USP37: variants seen among roughly 807,000 people sequenced by gnomAD.
USP37 encodes the protein ubiquitin carboxyl-terminal hydrolase 37.
In USP37, 27 loss-of-function variants were observed where a neutral mutation model predicts 124.0. That is an observed-to-expected ratio of 0.22 (90% CI 0.16 to 0.30). The LOEUF (loss-of-function observed/expected upper bound fraction) is 0.30, where lower values mean the gene tolerates loss of function less well. Among genes scored for constraint, USP37 ranks in the 10% least tolerant of loss-of-function variants. USP37 has a pLI of 1.00. For synonymous variants in USP37, 365 were observed against 388.0 expected, an observed-to-expected ratio of 0.94 and a Z score of 0.70; for missense variants, 889 against 1,140.4, an observed-to-expected ratio of 0.78 and a Z score of 3.17.
chr2:218,545,083 T>G (rs1468878661), intron 8 of USP37, among the ~76,000 whole-genome samples: 3 of 152,216 alleles, frequency 2.0e-5, no homozygotes. Context: ...AAGGGTGTTC[T>G]ATGTATGGAA....
At chr2:218,517,194 A>G (rs998516520) in intron 10 of USP37, among the ~76,000 whole-genome samples, 2 of 152,218 alleles carry the variant, frequency 1.3e-5, no homozygotes, top group Non-Finnish European at 2.9e-5. Flanking sequence ...GGAACAATTT[A>G]ACTCCATTTA....
At chr2:218,482,581 C>G (rs917509646) in intron 16 of USP37, among the ~76,000 whole-genome samples, 4 of 152,100 alleles carry the variant, frequency 2.6e-5, no homozygotes, top group African/African-American at 9.7e-5. Flanking sequence ...GTTTAAAAAG[C>G]AATAGGTTTT....
chr2:218,543,023 G>A (rs1210031954), intron 8 of USP37, among the ~76,000 whole-genome samples: 2 of 152,144 alleles, frequency 1.3e-5, no homozygotes, highest in East Asian at 3.8e-4. Flanking sequence ...TAAAATATTT[G>A]ATAAAAACGG....
At chr2:218,501,065 G>T (rs1181182316) in intron 11 of USP37, 5 of 150,144 alleles carry the variant, frequency 3.3e-5, no homozygotes, top group African/African-American at 1.0e-4. Context: ...TTTTGAGAGG[G>T]TCTCATTCTG....
At chr2:218,529,690 T>C (rs548051254) in intron 10 of USP37, among the ~76,000 whole-genome samples, 1 of 152,192 alleles carries the variant, frequency 6.6e-6, no homozygotes, top group South Asian at 2.1e-4. Context: ...GGCATAATTA[T>C]GGCTCATTGC....
At chr2:218,461,973 A>G (rs1191911908) in intron 22 of USP37, among the ~76,000 whole-genome samples, 1 of 152,226 alleles carries the variant, frequency 6.6e-6, no homozygotes, top group Non-Finnish European at 1.5e-5. Context: ...CCTGGCCAAC[A>G]TGGTGAAACC....
At chr2:218,463,853 GATTT>G (rs1690166194) in intron 21 of USP37, among the ~76,000 whole-genome samples, 1 of 129,208 alleles carries the variant, frequency 7.7e-6, no homozygotes, top group Non-Finnish European at 1.6e-5. Flanking sequence ...TATTTTTTAA[GATTT>G]TTTTTTTTTT....
intron 15 of USP37, chr2:218,486,027 T>C: frequency 3.2e-6 from 1 of 311,324 alleles, no homozygotes; most frequent in Non-Finnish European, 5.8e-6. Context: ...ATTCTTAGCC[T>C]TTTCAGCCTT....
At chr2:218,563,579 C>A (rs1317782280) in intron 1 of USP37, among the ~76,000 whole-genome samples, 1 of 152,214 alleles carries the variant, frequency 6.6e-6, no homozygotes, top group African/African-American at 2.4e-5. Flanking sequence ...TTAGGCTTCA[C>A]TAGGCCTGAA....
At chr2:218,473,283 A>G (rs1273191193) in intron 20 of USP37, 1 of 152,218 alleles carries the variant, frequency 6.6e-6, no homozygotes, top group African/African-American at 2.4e-5. Context: ...ATAAATCAGG[A>G]AGGGACAAAA....
intron 10 of USP37, among the ~76,000 whole-genome samples, chr2:218,512,169 T>C (rs894880403): frequency 6.6e-6 from 1 of 151,854 alleles, no homozygotes; most frequent in Non-Finnish European, 1.5e-5. Context: ...GGATCAGGAG[T>C]TTGAAACCAG....
intron 8 of USP37, 124 bp downstream of exon 8, chr2:218,546,097 T>C: frequency 1.3e-6 from 1 of 787,850 alleles, no homozygotes. Context: ...CTACTTTACA[T>C]TCTGCTCTTC....
At chr2:218,495,673 T>G (rs1574882729) in intron 14 of USP37, 87 bp downstream of exon 14, 1 of 1,402,886 alleles carries the variant, frequency 7.1e-7, no homozygotes, top group East Asian at 2.4e-5. Flanking sequence ...CAGAAAAGAA[T>G]TCATGGCATT....
intron 16 of USP37, 93 bp from the exon 17 acceptor site, chr2:218,482,327 T>C: frequency 7.4e-7 from 1 of 1,357,292 alleles, no homozygotes; most frequent in Non-Finnish European, 9.7e-7. Flanking sequence ...AGACGACTTT[T>C]GATTTAAAAA....
intron 8 of USP37, among the ~76,000 whole-genome samples, chr2:218,539,037 G>T (rs1259603245): frequency 6.6e-6 from 1 of 151,566 alleles, no homozygotes; most frequent in East Asian, 1.9e-4. Flanking sequence ...GTGTGATCTC[G>T]GCTCACTGCA....
In USP37 at chr2:218,544,430, T is replaced by TAGAGAGAGAG. The variant is rs56690495; in HGVS notation, c.680+1781_680+1790dup. Among the ~76,000 whole-genome samples, 432 of 50,700 alleles carry TAGAGAGAGAG rather than the reference T, an allele frequency of 8.5e-3. 14 individuals carry two copies. Among genetic ancestry groups the TAGAGAGAGAG allele is most frequent in the East Asian group, 0.067 (78 of 1,170 alleles). The allele number at this position is 50,700 out of a possible 152,430, so 33.3% of individuals were successfully genotyped here. ...AAATATATATATATATATATATATA[T>TAGAGAGAGAG]AGAGAGAGAGAGAGAGAGAGAGAGA... On this transcript the variant is annotated intron_variant, in intron 8 of 25. Transcript: ENST00000258399.
chr2:218,460,034 C>G, intron 22 of USP37, 129 bp from the exon 23 acceptor site: 1 of 441,970 alleles, frequency 2.3e-6, no homozygotes, highest in South Asian at 3.0e-5. Context: ...AGTTCGAGAC[C>G]AGCCTGACCA....
intron 11 of USP37, among the ~76,000 whole-genome samples, chr2:218,506,456 A>G (rs1689684763): frequency 6.6e-6 from 1 of 150,944 alleles, no homozygotes; most frequent in Non-Finnish European, 1.5e-5. Context: ...ATGCCTGGCT[A>G]ATTTTTCTAT....
chr2:218,485,842 G>A, intron 15 of USP37, 99 bp from the exon 16 acceptor site: 2 of 1,306,656 alleles, frequency 1.5e-6, no homozygotes, highest in Non-Finnish European at 2.1e-6. Flanking sequence ...TTAGTGGAAT[G>A]ACAACTCTGA....
Sources: gnomAD v4.1 joint callset for allele counts (sites outside exome capture counted in the v4.1 genomes callset) on GRCh38, gnomAD v4.1.1 for gene constraint, MANE v1.5 for transcripts, NCBI Gene and HGNC (gene_info 2026-07-23, HGNC 2026-07-21) for gene names.